Variants in SEMA4D observed in about 807,000 individuals in gnomAD.
The protein encoded by SEMA4D is semaphorin-4D.
In SEMA4D, 22 loss-of-function variants were observed where a neutral mutation model predicts 74.8. That is an observed-to-expected ratio of 0.29 (90% CI 0.21 to 0.42). The LOEUF is 0.42. SEMA4D is among the 10% of genes least tolerant of loss of function. The pLI, the probability that SEMA4D is intolerant of heterozygous loss-of-function variation, is 1.00. For synonymous variants in SEMA4D, 445 were observed against 463.7 expected, an observed-to-expected ratio of 0.96 and a Z score of 0.52; for missense variants, 937 against 1,118.4, an observed-to-expected ratio of 0.84 and a Z score of 2.31.
At chr9:89,376,770 GC>G (rs1160414766), downstream of SEMA4D, 4 of 1,479,234 alleles carry the variant, frequency 2.7e-6, no homozygotes, top group Non-Finnish European at 3.7e-6. Context: ...GCCCCCGCCC[GC>G]CCCCCACCTG....
At chr9:89,410,071 C>T (rs1263535419) in intron 2 of SEMA4D, among the ~76,000 whole-genome samples, 1 of 4,996 alleles carries the variant, frequency 2.0e-4, no homozygotes, top group Non-Finnish European at 3.5e-4. Context: ...ACGGGGTGGG[C>T]AGTGGGGGTG....
At chr9:89,446,205 G>A in intron 2 of SEMA4D, among the ~76,000 whole-genome samples, 1 of 152,156 alleles carries the variant, frequency 6.6e-6, no homozygotes, top group East Asian at 1.9e-4. Context: ...TAGCCTCTGT[G>A]CCCTCTGTGC....
At chr9:89,412,248 C>T (rs930663375) in intron 2 of SEMA4D, among the ~76,000 whole-genome samples, 1 of 152,170 alleles carries the variant, frequency 6.6e-6, no homozygotes, top group Non-Finnish European at 1.5e-5. Flanking sequence ...GTAGAAAGTT[C>T]CACAAAACAA....
rs1394587147 is a variant in SEMA4D at position 89,379,506 on chromosome 9, G to A, written c.1787C>T (p.Ala596Val). ...CATAAGACCGTACTTGGGGCTCTCG[G>A]CCTTCAACACGCCATTCTGGAACTT... Reference protein sequence around the residue: ...FWKFQNGVLKAESPKYGLMGR... With the variant: ...FWKFQNGVLKVESPKYGLMGR... The change falls in exon 16 of 16, where the codon GCC (alanine) becomes GTC (valine). Residue 596 changes from alanine (A) to valine (V), a missense_variant. Coordinates refer to ENST00000422704, the MANE Select transcript of SEMA4D (RefSeq NM_001371194.2). 1.2e-6 allele frequency: 2 copies of A among 1,614,122 alleles called. No homozygotes were observed. The highest frequency in any genetic ancestry group is 1.6e-4 in the Middle Eastern group (1 of 6,062).
intron 1 of SEMA4D, among the ~76,000 whole-genome samples, chr9:89,480,318 C>T (rs371260424): frequency 6.6e-6 from 1 of 152,246 alleles, no homozygotes; most frequent in Non-Finnish European, 1.5e-5. Context: ...AAAGACTCTC[C>T]ACGTCCCCAC....
intron 1 of SEMA4D, among the ~76,000 whole-genome samples, chr9:89,465,241 G>C (rs934770494): frequency 6.6e-6 from 1 of 152,126 alleles, no homozygotes; most frequent in African/African-American, 2.4e-5. Context: ...ATCCCGCGGA[G>C]AACAGACAAG....
chr9:89,442,258 G>A (rs922978197), intron 2 of SEMA4D, among the ~76,000 whole-genome samples: 8 of 152,172 alleles, frequency 5.3e-5, no homozygotes, highest in Non-Finnish European at 1.0e-4. Flanking sequence ...TGGGCACCAC[G>A]GCTGCCACGA....
At chr9:89,393,506 T>C in intron 7 of SEMA4D, 56 bp downstream of exon 7, 2 of 1,378,074 alleles carry the variant, frequency 1.5e-6, no homozygotes, top group South Asian at 2.3e-5. Flanking sequence ...TCCTGTTTGG[T>C]AATTAACATG....
rs761503458 is a variant in SEMA4D at position 89,405,468 on chromosome 9, G to A, written c.-12C>T. On this transcript the variant is annotated 5_prime_UTR_variant, in exon 3 of 16. Coordinates refer to ENST00000422704, the MANE Select transcript of SEMA4D (RefSeq NM_001371194.2). ...GTGCACATCCTCATCAGGTAGAGGC[G>A]ACCCCAGGGGCTTCAGCAGCAAAGG... is the stretch of plus-strand genomic sequence containing the variant. 7 of 1,612,684 alleles carry A rather than the reference G, an allele frequency of 4.3e-6. No homozygotes were observed. Among genetic ancestry groups the A allele is most frequent in the East Asian group, 4.5e-5 (2 of 44,890 alleles).
At chr9:89,419,786 G>T (rs1223387772) in intron 2 of SEMA4D, among the ~76,000 whole-genome samples, 1 of 151,936 alleles carries the variant, frequency 6.6e-6, no homozygotes, top group Non-Finnish European at 1.5e-5. Flanking sequence ...GTGTGGTGGT[G>T]CGCACCTGTC....
rs940316604 is a variant in SEMA4D at position 89,472,231 on chromosome 9, C to T, written c.-309-16278G>A. 16 of 274,242 alleles carry T rather than the reference C, an allele frequency of 5.8e-5. No homozygotes were observed. In the Admixed American group the frequency reaches 6.7e-4, roughly 11 times the overall value. The allele number at this position is 274,242 out of a possible 1,614,324, so 17.0% of individuals were successfully genotyped here. A position where few individuals can be genotyped will look rare whatever the true frequency, so the allele number is the denominator to read the frequency against. ...GAAGTCACTGGTGGAGGGTAAAGAA[C>T]ACAAGATGGCAGCCACCAAGGGCTG... On this transcript the variant is annotated intron_variant, in intron 1 of 15. Coordinates refer to ENST00000422704, the MANE Select transcript of SEMA4D (RefSeq NM_001371194.2).
intron 13 of SEMA4D, among the ~76,000 whole-genome samples, chr9:89,384,377 G>A (rs1410029888): frequency 1.3e-5 from 2 of 152,202 alleles, no homozygotes; most frequent in Non-Finnish European, 1.5e-5. Context: ...TTTATGTTAA[G>A]TGAAATAAGC....
At position 89,391,284 on chromosome 9, in the gene SEMA4D, G is replaced by A. The variant is rs1450725971; in HGVS notation, c.754C>T (p.Arg252Trp). The A allele has an allele frequency of 3.1e-6, 5 of 1,614,088 alleles. No homozygotes were observed. Among genetic ancestry groups the A allele is most frequent in the South Asian group, 1.1e-5 (1 of 91,090 alleles). ...YEFVFRVLIP[R>W]IARVCKGDQG... ...CTCACCTTGCACACTCTTGCTATCC[G>A]TGGGATCAGCACCCTGAACACAAAC... The change falls in exon 9 of 16, where the codon CGG (arginine) becomes TGG (tryptophan). Residue 252 changes from arginine to tryptophan, a missense_variant. Coordinates refer to ENST00000422704, the MANE Select transcript of SEMA4D (RefSeq NM_001371194.2).
At chr9:89,421,870 A>T (rs1226709586) in intron 2 of SEMA4D, among the ~76,000 whole-genome samples, 1 of 152,194 alleles carries the variant, frequency 6.6e-6, no homozygotes, top group African/African-American at 2.4e-5. Flanking sequence ...CAATTTAATC[A>T]AGAACCTGCT....
At chr9:89,441,620 A>C (rs1030195893) in intron 2 of SEMA4D, among the ~76,000 whole-genome samples, 1 of 152,146 alleles carries the variant, frequency 6.6e-6, no homozygotes, top group South Asian at 2.1e-4. Context: ...CAGGGAGGGG[A>C]CCAATTCCCC....
chr9:89,404,576 G>A (rs1187902219), intron 3 of SEMA4D, among the ~76,000 whole-genome samples: 9 of 134,210 alleles, frequency 6.7e-5, no homozygotes, highest in South Asian at 2.4e-4. Context: ...CAGCATCCCA[G>A]GAAGTGGAGT....
chr9:89,421,836 TCAG>T (rs1313500531), intron 2 of SEMA4D, among the ~76,000 whole-genome samples: 1 of 152,174 alleles, frequency 6.6e-6, no homozygotes, highest in Non-Finnish European at 1.5e-5. Flanking sequence ...CACAGGCTCA[TCAG>T]AAGGATGATT....
At chr9:89,416,981 C>T (rs1845854489) in intron 2 of SEMA4D, among the ~76,000 whole-genome samples, 1 of 152,040 alleles carries the variant, frequency 6.6e-6, no homozygotes. Context: ...CCCATATATA[C>T]TTCGTGCTTT....
intron 2 of SEMA4D, among the ~76,000 whole-genome samples, chr9:89,417,547 A>G (rs1845981698): frequency 6.6e-6 from 1 of 152,242 alleles, no homozygotes; most frequent in Non-Finnish European, 1.5e-5. Flanking sequence ...TTGTTTTCAC[A>G]AATTAAGCTG....
Sources: gnomAD v4.1 joint callset for allele counts (sites outside exome capture counted in the v4.1 genomes callset) on GRCh38, gnomAD v4.1.1 for gene constraint, MANE v1.5 for transcripts, NCBI Gene and HGNC (gene_info 2026-07-23, HGNC 2026-07-21) for gene names.